NFIB: variants seen among roughly 807,000 people sequenced by gnomAD.
The protein encoded by NFIB is nuclear factor 1 B-type.
Under a neutral mutation model 61.5 loss-of-function variants are expected in NFIB, and 11 were observed. The observed-to-expected ratio is 0.18, with a 90% confidence interval of 0.11 to 0.30. The LOEUF (loss-of-function observed/expected upper bound fraction) is 0.30, where lower values mean the gene tolerates loss of function less well. NFIB is among the 10% of genes least tolerant of loss of function. NFIB has a pLI of 1.00. For missense variants in NFIB, 471 were observed against 608.9 expected (o/e 0.77, Z 2.38); for synonymous variants, 260 against 216.5 (o/e 1.20, Z -1.76).
At chr9:14,487,262 G>A in the NFIB span, among the ~76,000 whole-genome samples, 13 of 152,090 alleles carry the variant, frequency 8.5e-5, no homozygotes, top group Non-Finnish European at 1.8e-4. Context: ...AAATGGTTAC[G>A]GTAACATTTA....
the NFIB span, among the ~76,000 whole-genome samples, chr9:14,520,562 T>C: frequency 0.23 from 35,335 of 152,114 alleles, 4,233 homozygotes; most frequent in African/African-American, 0.29. Context: ...CCAATGAGTA[T>C]GAAATTCCTT....
chr9:14,374,772 T>C (rs2061398609), intron 1 of NFIB, among the ~76,000 whole-genome samples: 1 of 151,874 alleles, frequency 6.6e-6, no homozygotes. Context: ...TACACAGCAA[T>C]GGTGGCATGT....
chr9:14,102,422 C>T, intron 10 of NFIB: 4 of 1,549,364 alleles, frequency 2.6e-6, no homozygotes, highest in Non-Finnish European at 3.5e-6. Context: ...AAAATGTTAC[C>T]TTTGCCAAGT....
chr9:14,222,393 C>T lies in NFIB; in HGVS notation c.563-42613G>A, dbSNP rs149286829. Among the ~76,000 whole-genome samples the T allele has an allele frequency of 2.9e-3, 437 of 152,250 alleles. 2 individuals carry two copies. The highest frequency in any genetic ancestry group is 9.9e-3 in the African/African-American group (413 of 41,560). ...TAAGGGTCATTTCCTGGATTCCAGGCTCAGGTTACCTGACACTAATTCATG... is the reference window on the plus strand; with the variant it reads ...TAAGGGTCATTTCCTGGATTCCAGGTTCAGGTTACCTGACACTAATTCATG... On this transcript the variant is annotated intron_variant, in intron 2 of 10. Transcript: ENST00000380953.
intron 2 of NFIB, chr9:14,305,889 T>A: frequency 1.1e-6 from 1 of 871,376 alleles, no homozygotes; most frequent in African/African-American, 1.7e-5. Flanking sequence ...TGACCTACCA[T>A]CTGTGACAGC....
chr9:14,300,372 T>C, intron 2 of NFIB: 1 of 396,442 alleles, frequency 2.5e-6, no homozygotes, highest in Non-Finnish European at 4.4e-6. Context: ...CTTTGAACAT[T>C]ATGTTGGCTA....
intron 2 of NFIB, among the ~76,000 whole-genome samples, chr9:14,294,742 A>G (rs1447004889): frequency 6.6e-6 from 1 of 152,180 alleles, no homozygotes; most frequent in Non-Finnish European, 1.5e-5. Flanking sequence ...CCTGGCTAGA[A>G]CCCCTAGGTA....
intron 2 of NFIB, among the ~76,000 whole-genome samples, chr9:14,187,069 G>C (rs937958969): frequency 1.4e-4 from 20 of 137,944 alleles, no homozygotes; most frequent in Non-Finnish European, 1.9e-4. Flanking sequence ...GTGTGTGTGT[G>C]TGTGCCTGTG....
At chr9:14,407,110 T>A in the NFIB span, among the ~76,000 whole-genome samples, 1 of 152,210 alleles carries the variant, frequency 6.6e-6, no homozygotes, top group Non-Finnish European at 1.5e-5. Flanking sequence ...TTATTTATTT[T>A]CTATTTGTTA....
At chr9:14,271,209 C>T (rs1402854598) in intron 2 of NFIB, among the ~76,000 whole-genome samples, 1 of 149,354 alleles carries the variant, frequency 6.7e-6, no homozygotes, top group African/African-American at 2.5e-5. Context: ...TCTCCTCCCC[C>T]TTCTCCTCCT....
chr9:14,478,469 C>T, the NFIB span, among the ~76,000 whole-genome samples: 1 of 152,114 alleles, frequency 6.6e-6, no homozygotes, highest in Non-Finnish European at 1.5e-5. Context: ...AGTAGAACAC[C>T]ATTTAACAGA....
At chr9:14,199,477 C>G (rs560631444) in intron 2 of NFIB, among the ~76,000 whole-genome samples, 11 of 152,322 alleles carry the variant, frequency 7.2e-5, no homozygotes, top group African/African-American at 2.4e-4. Flanking sequence ...AAACAGGATC[C>G]TCCTTTACTT....
At position 14,292,306 on chromosome 9, in the gene NFIB, TA is replaced by T. The variant is rs559725188; in HGVS notation, c.562+14682del. 1.5e-3 allele frequency among the ~76,000 whole-genome samples: 221 copies of T among 152,314 alleles called. 1 individual carries two copies. The highest frequency in any genetic ancestry group is 2.2e-3 in the Non-Finnish European group (152 of 68,032). ...TTCCCGGCTCTAAAATTCTACAAGTTAAAGACCTCTTTCTTAAAAAGTAAGC... is the reference window on the plus strand; with the variant it reads ...TTCCCGGCTCTAAAATTCTACAAGTTAAGACCTCTTTCTTAAAAAGTAAGC... On this transcript the variant is annotated intron_variant, in intron 2 of 10. Transcript: ENST00000380953.
chr9:14,125,892 A>G (rs2039581399), intron 6 of NFIB, 126 bp from the exon 7 acceptor site: 1 of 1,287,686 alleles, frequency 7.8e-7, no homozygotes, highest in South Asian at 1.6e-5. Context: ...TTTACAAAAT[A>G]TATTCTGAGT....
Position 14,082,737 on chromosome 9 carries a change from C to G in NFIB, c.*5572G>C, listed in dbSNP as rs1190386071. ...TATCAGTCCATGCAACTTCAATGCCCTCGATGAAGGATGCATAAAAAGCCA... is the reference window on the plus strand; with the variant it reads ...TATCAGTCCATGCAACTTCAATGCCGTCGATGAAGGATGCATAAAAAGCCA... On this transcript the variant is annotated 3_prime_UTR_variant, in exon 11 of 11. Transcript: ENST00000380953. 1 of 191,384 alleles carries G rather than the reference C, an allele frequency of 5.2e-6. No individual in the cohort carries two copies. The allele number at this position is 191,384 out of a possible 1,614,324, so 11.9% of individuals were successfully genotyped here.
chr9:14,129,524 T>C (rs2040145530), intron 6 of NFIB, among the ~76,000 whole-genome samples: 1 of 152,112 alleles, frequency 6.6e-6, no homozygotes, highest in South Asian at 2.1e-4. Context: ...ACCAAACTAG[T>C]GTTATTTTAA....
At chr9:14,481,993 T>C in the NFIB span, among the ~76,000 whole-genome samples, 1 of 152,094 alleles carries the variant, frequency 6.6e-6, no homozygotes, top group East Asian at 1.9e-4. Flanking sequence ...CCTTGAAAGT[T>C]ATTTACCTTC....
chr9:14,517,061 C>G, the NFIB span, among the ~76,000 whole-genome samples: 1 of 152,330 alleles, frequency 6.6e-6, no homozygotes, highest in African/African-American at 2.4e-5. Flanking sequence ...TCTCTGAGCT[C>G]AAGCAGCTAA....
At chr9:14,294,059 G>A (rs1029760331) in intron 2 of NFIB, among the ~76,000 whole-genome samples, 3 of 152,132 alleles carry the variant, frequency 2.0e-5, no homozygotes, top group Non-Finnish European at 4.4e-5. Context: ...TATATTATAC[G>A]AATGTTGGAC....
Sources: allele counts gnomAD v4.1 joint callset (sites outside exome capture counted in the v4.1 genomes callset), GRCh38; gene constraint gnomAD v4.1.1; transcripts MANE v1.5; gene names NCBI Gene and HGNC (gene_info 2026-07-23, HGNC 2026-07-21).